The following PDE10A variants were observed in gnomAD, a reference collection of about 807,000 sequenced individuals.
PDE10A encodes cAMP and cAMP-inhibited cGMP 3',5'-cyclic phosphodiesterase 10A.
Under a neutral mutation model 97.7 loss-of-function variants are expected in PDE10A, and 39 were observed. That is an observed-to-expected ratio of 0.40 (90% CI 0.31 to 0.52). The LOEUF is 0.52. Among genes scored for constraint, PDE10A ranks in the 20% least tolerant of loss-of-function variants. The pLI is 0.56. For missense variants in PDE10A, 731 were observed against 1,047.8 expected (o/e 0.70, Z 4.17); for synonymous variants, 371 against 376.8 (o/e 0.98, Z 0.18).
intron 1 of PDE10A, among the ~76,000 whole-genome samples, chr6:165,795,492 G>T (rs2128464470): frequency 6.6e-6 from 1 of 152,256 alleles, no homozygotes; most frequent in Non-Finnish European, 1.5e-5. Flanking sequence ...TTGGGAGGCT[G>T]AGGTGGGCAG....
At chr6:165,875,307 T>A (rs1781302800) in intron 1 of PDE10A, among the ~76,000 whole-genome samples, 1 of 152,174 alleles carries the variant, frequency 6.6e-6, no homozygotes, top group Admixed American at 6.5e-5. Flanking sequence ...TGATCTCTTA[T>A]GAAATGCCAT....
intron 1 of PDE10A, among the ~76,000 whole-genome samples, chr6:165,634,328 G>C (rs1274865695): frequency 1.3e-5 from 2 of 152,078 alleles, no homozygotes; most frequent in South Asian, 4.1e-4. Flanking sequence ...GAGAGAACAG[G>C]GCACAGCTGG....
chr6:165,740,818 TAAA>T (rs1282164058), intron 1 of PDE10A, among the ~76,000 whole-genome samples: 1 of 152,052 alleles, frequency 6.6e-6, no homozygotes, highest in African/African-American at 2.4e-5. Context: ...TGTAGAATCT[TAAA>T]AAGTCAGTCT....
chr6:165,823,806 A>C (rs9365925), intron 1 of PDE10A, among the ~76,000 whole-genome samples: 10,899 of 151,978 alleles, frequency 0.072, 1,030 homozygotes, highest in East Asian at 0.47. Flanking sequence ...GGGTGATAGG[A>C]GTTTTCCAGC....
At chr6:165,401,735 G>A (rs1786680720) in intron 13 of PDE10A, among the ~76,000 whole-genome samples, 1 of 152,198 alleles carries the variant, frequency 6.6e-6, no homozygotes, top group Non-Finnish European at 1.5e-5. Context: ...TCTGTGAGAG[G>A]AGACTGCTTC....
At chr6:165,789,810 AC>A (rs1778599417) in intron 1 of PDE10A, among the ~76,000 whole-genome samples, 1 of 101,192 alleles carries the variant, frequency 9.9e-6, no homozygotes, top group African/African-American at 3.8e-5. Context: ...ATTCTCAGGC[AC>A]TTTTTTTTTG....
chr6:165,708,698 C>T (rs1488609564), intron 1 of PDE10A, among the ~76,000 whole-genome samples: 1 of 151,488 alleles, frequency 6.6e-6, no homozygotes, highest in East Asian at 1.9e-4. Context: ...CTCCTGCGCT[C>T]TCCTCACCAC....
chr6:165,778,589 C>G (rs1285205203), intron 1 of PDE10A, among the ~76,000 whole-genome samples: 2 of 152,162 alleles, frequency 1.3e-5, no homozygotes, highest in Non-Finnish European at 2.9e-5. Flanking sequence ...AGTTGCTGCC[C>G]CTGGGCTACA....
chr6:165,831,787 A>G (rs1392377156), intron 1 of PDE10A, among the ~76,000 whole-genome samples: 4 of 152,082 alleles, frequency 2.6e-5, no homozygotes, highest in Non-Finnish European at 5.9e-5. Flanking sequence ...ACCCGGCCGC[A>G]GGAATCATTT....
intron 1 of PDE10A, among the ~76,000 whole-genome samples, chr6:165,952,963 G>T (rs9459546): frequency 0.15 from 22,450 of 152,184 alleles, 1,891 homozygotes; most frequent in Non-Finnish European, 0.18. Flanking sequence ...GGTCCTACCT[G>T]AAAATTATGT....
At chr6:165,817,538 C>T (rs1194537406) in intron 1 of PDE10A, among the ~76,000 whole-genome samples, 3 of 152,066 alleles carry the variant, frequency 2.0e-5, no homozygotes, top group Non-Finnish European at 4.4e-5. Flanking sequence ...TGTGGTGTAC[C>T]CCTGACCCTA....
At chr6:165,956,317 C>T (rs1784133482) in intron 1 of PDE10A, among the ~76,000 whole-genome samples, 1 of 152,140 alleles carries the variant, frequency 6.6e-6, no homozygotes, top group South Asian at 2.1e-4. Context: ...GGAATCAATG[C>T]CTGTGGCAAT....
intron 1 of PDE10A, among the ~76,000 whole-genome samples, chr6:165,618,867 A>AAAAG (rs1787848043): frequency 6.6e-6 from 1 of 152,224 alleles, no homozygotes; most frequent in African/African-American, 2.4e-5. Flanking sequence ...CATAGGTACT[A>AAAAG]AAAGAGCCCT....
At chr6:165,432,911 C>G in intron 7 of PDE10A, 63 bp downstream of exon 7, 2 of 1,212,720 alleles carry the variant, frequency 1.6e-6, no homozygotes, top group Non-Finnish European at 2.4e-6. Context: ...GCAATACTAA[C>G]AAGCACCTTC....
chr6:165,843,180 G>A (rs1488351148), intron 1 of PDE10A, among the ~76,000 whole-genome samples: 1 of 152,216 alleles, frequency 6.6e-6, no homozygotes, highest in Non-Finnish European at 1.5e-5. Flanking sequence ...AAGGCTACAA[G>A]CCATGGTGTT....
chr6:165,944,416 G>A (rs959145114), intron 1 of PDE10A, among the ~76,000 whole-genome samples: 1 of 152,150 alleles, frequency 6.6e-6, no homozygotes, highest in Non-Finnish European at 1.5e-5. Flanking sequence ...AGACAGGGAG[G>A]TGGACATGGT....
intron 1 of PDE10A, among the ~76,000 whole-genome samples, chr6:165,968,808 G>T (rs1436537764): frequency 6.6e-6 from 1 of 152,190 alleles, no homozygotes; most frequent in African/African-American, 2.4e-5. Context: ...GATCAATAAA[G>T]TCCTGAGGCA....
chr6:165,721,530 G>A (rs1792167175), intron 1 of PDE10A, among the ~76,000 whole-genome samples: 1 of 152,178 alleles, frequency 6.6e-6, no homozygotes, highest in African/African-American at 2.4e-5. Flanking sequence ...AGACCGTGAG[G>A]CCATAAGTGG....
intron 1 of PDE10A, among the ~76,000 whole-genome samples, chr6:165,826,265 G>T (rs1331820070): frequency 1.3e-5 from 2 of 151,870 alleles, no homozygotes; most frequent in Non-Finnish European, 2.9e-5. Context: ...GGCCACGATG[G>T]CCCTCTGACT....
Sources: allele counts gnomAD v4.1 joint callset (sites outside exome capture counted in the v4.1 genomes callset), GRCh38; gene constraint gnomAD v4.1.1; transcripts MANE v1.5; gene names NCBI Gene and HGNC (gene_info 2026-07-23, HGNC 2026-07-21).